The following ADAM29 variants were observed in gnomAD, a reference collection of about 807,000 sequenced individuals.
ADAM29 encodes disintegrin and metalloproteinase domain-containing protein 29.
For missense variants in ADAM29, 969 were observed against 1,001.8 expected (o/e 0.97, Z 0.44); for synonymous variants, 367 against 342.3 (o/e 1.07, Z -0.80).
At chr4:174,947,852 C>T (rs1744941483) in intron 4 of ADAM29, among the ~76,000 whole-genome samples, 1 of 152,114 alleles carries the variant, frequency 6.6e-6, no homozygotes, top group African/African-American at 2.4e-5. Flanking sequence ...TGAAGTTTCC[C>T]ACTGTTATTG....
intron 4 of ADAM29, among the ~76,000 whole-genome samples, chr4:174,962,971 G>A (rs1180749560): frequency 6.6e-5 from 10 of 152,054 alleles, no homozygotes; most frequent in Non-Finnish European, 1.3e-4. Context: ...CAAATCCACT[G>A]AAAAACTTTA....
chr4:174,926,229 T>C (rs899887192), intron 2 of ADAM29, among the ~76,000 whole-genome samples: 8 of 152,218 alleles, frequency 5.3e-5, no homozygotes, highest in Middle Eastern at 3.4e-3. Flanking sequence ...CTATTATCAT[T>C]CCCATTTTAC....
chr4:174,921,218 C>T (rs1396006344), intron 2 of ADAM29, among the ~76,000 whole-genome samples: 1 of 152,096 alleles, frequency 6.6e-6, no homozygotes, highest in Admixed American at 6.5e-5. Flanking sequence ...TCAATCAACT[C>T]AAATGTTACA....
At chr4:174,968,094 G>A (rs556083742) in intron 4 of ADAM29, among the ~76,000 whole-genome samples, 1 of 152,100 alleles carries the variant, frequency 6.6e-6, no homozygotes, top group African/African-American at 2.4e-5. Context: ...GTACATTGCA[G>A]GTGTCAGTAC....
intron 2 of ADAM29, among the ~76,000 whole-genome samples, chr4:174,926,419 T>C (rs1743519440): frequency 6.6e-6 from 1 of 152,054 alleles, no homozygotes; most frequent in Non-Finnish European, 1.5e-5. Flanking sequence ...TATTTAACTA[T>C]GAAGATTTAA....
intron 4 of ADAM29, among the ~76,000 whole-genome samples, chr4:174,939,909 A>G (rs1228781756): frequency 6.6e-6 from 1 of 151,868 alleles, no homozygotes; most frequent in East Asian, 1.9e-4. Context: ...TATGAATACA[A>G]ACTTTCCTTT....
intron 4 of ADAM29, among the ~76,000 whole-genome samples, chr4:174,953,598 A>G (rs1427094498): frequency 5.9e-5 from 9 of 152,196 alleles, no homozygotes. Context: ...CCCCTACTAC[A>G]TTATTGTTTT....
At chr4:174,942,776 G>A (rs1744613755) in intron 4 of ADAM29, among the ~76,000 whole-genome samples, 1 of 152,136 alleles carries the variant, frequency 6.6e-6, no homozygotes, top group South Asian at 2.1e-4. Context: ...GCAAATTTCT[G>A]CAGTGAGTGG....
intron 4 of ADAM29, among the ~76,000 whole-genome samples, chr4:174,959,328 A>G (rs778130152): frequency 8.6e-5 from 13 of 151,842 alleles, no homozygotes; most frequent in Non-Finnish European, 1.8e-4. Context: ...GAAGTCAGCT[A>G]TAATTCTAAA....
intron 4 of ADAM29, among the ~76,000 whole-genome samples, chr4:174,963,178 A>G (rs964671398): frequency 2.0e-5 from 3 of 152,216 alleles, no homozygotes; most frequent in African/African-American, 4.8e-5. Context: ...AAATAGACAG[A>G]CACATTAGGA....
chr4:174,967,016 T>C (rs994140842), intron 4 of ADAM29, among the ~76,000 whole-genome samples: 1 of 152,200 alleles, frequency 6.6e-6, no homozygotes, highest in Non-Finnish European at 1.5e-5. Flanking sequence ...CATACTTGTA[T>C]AGAAAATTTA....
chr4:174,922,393 C>A (rs966768975), intron 2 of ADAM29, among the ~76,000 whole-genome samples: 3 of 152,144 alleles, frequency 2.0e-5, no homozygotes, highest in Non-Finnish European at 4.4e-5. Flanking sequence ...TGGAGACAGG[C>A]AAATACAGAG....
intron 3 of ADAM29, among the ~76,000 whole-genome samples, chr4:174,931,767 C>A (rs1206085993): frequency 7.9e-5 from 12 of 151,866 alleles, no homozygotes; most frequent in Non-Finnish European, 1.6e-4. Flanking sequence ...TAAAAAAAAT[C>A]TCTCTCGTTA....
rs1040802091 is a variant in ADAM29 at position 174,978,121 on chromosome 4, T to C, written c.*133T>C. 4.0e-5 allele frequency: 56 copies of C among 1,412,722 alleles called. No individual in the cohort carries two copies. The highest frequency in any genetic ancestry group is 5.3e-5 in the Non-Finnish European group (55 of 1,034,988). 87.5% of individuals were successfully genotyped at this position (1,412,722 alleles called of 1,614,324 possible). On this transcript the variant is annotated 3_prime_UTR_variant, in exon 5 of 5. Transcript: ENST00000359240. The stretch of plus-strand genomic sequence containing the variant: ...GAGTAAAAGTGGTAAACAAAAGCAA[T>C]CAGTACCAATTCCAAAAACTGTATC...
At chr4:174,941,856 A>G (rs1399719660) in intron 4 of ADAM29, among the ~76,000 whole-genome samples, 1 of 152,192 alleles carries the variant, frequency 6.6e-6, no homozygotes, top group Non-Finnish European at 1.5e-5. Flanking sequence ...CCTGTGATAA[A>G]AAAAAGTCCC....
At chr4:174,943,805 C>G in intron 4 of ADAM29, among the ~76,000 whole-genome samples, 1 of 75,320 alleles carries the variant, frequency 1.3e-5, no homozygotes, top group East Asian at 3.8e-4. Flanking sequence ...AGCCTTACCA[C>G]AAATGTACAG....
At chr4:174,968,991 G>A (rs1746312248) in intron 4 of ADAM29, among the ~76,000 whole-genome samples, 1 of 142,656 alleles carries the variant, frequency 7.0e-6, no homozygotes, top group South Asian at 2.3e-4. Flanking sequence ...TGCATAAGGG[G>A]ATTGGTTCTA....
chr4:174,971,965 C>T (rs1489048676), intron 4 of ADAM29, among the ~76,000 whole-genome samples: 1 of 152,130 alleles, frequency 6.6e-6, no homozygotes, highest in East Asian at 1.9e-4. Context: ...TCTGCTTCGC[C>T]TAGTCCATTG....
intron 3 of ADAM29, among the ~76,000 whole-genome samples, chr4:174,932,815 C>T (rs866221228): frequency 1.8e-4 from 28 of 152,206 alleles, no homozygotes; most frequent in Middle Eastern, 3.4e-3. Context: ...GCAGTTCTTT[C>T]GTCTCAAAAT....
Sources: allele counts gnomAD v4.1 joint callset (sites outside exome capture counted in the v4.1 genomes callset), GRCh38; gene constraint gnomAD v4.1.1; transcripts MANE v1.5; gene names NCBI Gene and HGNC (gene_info 2026-07-23, HGNC 2026-07-21).